NCKAP5: variants seen among roughly 807,000 people sequenced by gnomAD.
NCKAP5 encodes the protein NCK associated protein 5.
NCKAP5 carries 92 observed loss-of-function variants against 167.0 expected under a neutral mutation model. That is an observed-to-expected ratio of 0.55 (90% CI 0.47 to 0.66). NCKAP5 has a LOEUF of 0.66. NCKAP5 is among the 30% of genes least tolerant of loss of function. The pLI is 0.00. For synonymous variants in NCKAP5, 891 were observed against 877.4 expected (o/e 1.02, Z -0.27); for missense variants, 2,378 against 2,315.0 (o/e 1.03, Z -0.56).
intron 11 of NCKAP5, among the ~76,000 whole-genome samples, chr2:132,803,788 G>A (rs1685220998): frequency 6.6e-6 from 1 of 152,174 alleles, no homozygotes; most frequent in South Asian, 2.1e-4. Flanking sequence ...ACTATGTGCA[G>A]AATCATGACT....
chr2:133,344,335 G>A (rs1468422789), intron 3 of NCKAP5, among the ~76,000 whole-genome samples: 1 of 151,288 alleles, frequency 6.6e-6, no homozygotes. Context: ...TTGAACCTGG[G>A]AGGCAGAAGT....
At chr2:133,109,092 C>T (rs1170736286) in intron 6 of NCKAP5, among the ~76,000 whole-genome samples, 1 of 152,180 alleles carries the variant, frequency 6.6e-6, no homozygotes, top group Non-Finnish European at 1.5e-5. Context: ...TTCCACCAAG[C>T]CCTTCTTAAA....
At chr2:132,942,159 G>T (rs1332959485) in intron 8 of NCKAP5, among the ~76,000 whole-genome samples, 1 of 152,072 alleles carries the variant, frequency 6.6e-6, no homozygotes, top group African/African-American at 2.4e-5. Context: ...CAGAAAAGGA[G>T]GTTTCTTAAC....
At chr2:132,891,394 A>G (rs1355923718) in intron 8 of NCKAP5, among the ~76,000 whole-genome samples, 1 of 152,224 alleles carries the variant, frequency 6.6e-6, no homozygotes. Flanking sequence ...TTCAGGGTGA[A>G]GGTGGGTGTC....
chr2:133,355,366 C>T (rs1684639472), intron 3 of NCKAP5, among the ~76,000 whole-genome samples: 1 of 152,090 alleles, frequency 6.6e-6, no homozygotes, highest in Non-Finnish European at 1.5e-5. Context: ...TCTGCATATA[C>T]CTACTGACAA....
chr2:133,029,901 A>G (rs974614744), intron 6 of NCKAP5, among the ~76,000 whole-genome samples: 13 of 152,176 alleles, frequency 8.5e-5, no homozygotes, highest in African/African-American at 3.1e-4. Context: ...AAATGTTTAC[A>G]AGGATTTTTC....
At position 132,766,278 on chromosome 2, in the gene NCKAP5, CAAAAAAA is replaced by C. The variant is rs70973405; in HGVS notation, c.5128+7531_5128+7537del. On this transcript the variant is annotated intron_variant, in intron 16 of 19. Transcript: ENST00000409261. ...CTGGCGAAACAGTGAGATTCTGTCT[CAAAAAAA>C]AAAAAAAAAAAAAAAAAAAAGAGAA... Among the ~76,000 whole-genome samples the C allele has an allele frequency of 4.4e-3, 168 of 38,420 alleles. 1 individual carries two copies. The South Asian group carries it at 0.093, about 21-fold the overall frequency. The allele number at this position is 38,420 out of a possible 152,430, so 25.2% of individuals were successfully genotyped here. A position where few individuals can be genotyped will look rare whatever the true frequency, so the allele number is the denominator to read the frequency against.
At chr2:132,689,877 C>T (rs1651807222) in intron 19 of NCKAP5, among the ~76,000 whole-genome samples, 1 of 152,070 alleles carries the variant, frequency 6.6e-6, no homozygotes, top group African/African-American at 2.4e-5. Flanking sequence ...GATCCAAATA[C>T]CTATATTATA....
chr2:133,198,227 G>T (rs1574349686), intron 5 of NCKAP5, among the ~76,000 whole-genome samples: 1 of 152,066 alleles, frequency 6.6e-6, no homozygotes, highest in Non-Finnish European at 1.5e-5. Flanking sequence ...AGGAGAAAAA[G>T]TGTGGTGCAA....
At chr2:133,356,836 C>T (rs891849826) in intron 3 of NCKAP5, among the ~76,000 whole-genome samples, 6 of 152,098 alleles carry the variant, frequency 3.9e-5, no homozygotes, top group African/African-American at 1.4e-4. Context: ...AACATCAATA[C>T]TTGCATTATA....
chr2:133,272,248 T>A (rs1473009457), intron 4 of NCKAP5, among the ~76,000 whole-genome samples: 1 of 151,192 alleles, frequency 6.6e-6, no homozygotes, highest in African/African-American at 2.4e-5. Flanking sequence ...AAAAATAGAA[T>A]AAAAGAAATG....
rs111824971 is a variant in NCKAP5 at position 133,514,535 on chromosome 2, T to C, written c.69+2923A>G. On this transcript the variant is annotated intron_variant, in intron 3 of 19. Transcript: ENST00000409261. ...TAATTTCTACTCAACACTTCAATGA[T>C]TTGATTATATAAAATAAAAAGTGTA... Among the ~76,000 whole-genome samples, 346 of 152,306 alleles carry C rather than the reference T, an allele frequency of 2.3e-3. 1 individual carries two copies. Among genetic ancestry groups the C allele is most frequent in the African/African-American group, 8.0e-3 (333 of 41,554 alleles).
intron 6 of NCKAP5, among the ~76,000 whole-genome samples, chr2:132,999,062 C>T (rs903377169): frequency 2.6e-5 from 4 of 152,102 alleles, no homozygotes; most frequent in African/African-American, 4.8e-5. Flanking sequence ...TAACGTACAT[C>T]AAGTGAACTA....
the NCKAP5 span, among the ~76,000 whole-genome samples, chr2:133,581,338 T>C: frequency 6.6e-6 from 1 of 152,148 alleles, no homozygotes; most frequent in Non-Finnish European, 1.5e-5. Flanking sequence ...CCACTTCCTG[T>C]TGTAAGGGAT....
At chr2:133,193,441 A>G (rs2085313720) in intron 5 of NCKAP5, among the ~76,000 whole-genome samples, 2 of 152,122 alleles carry the variant, frequency 1.3e-5, no homozygotes, top group South Asian at 4.1e-4. Context: ...ATTTCTTACA[A>G]CTTCATGTGA....
intron 2 of NCKAP5, among the ~76,000 whole-genome samples, chr2:133,543,147 G>C (rs1249723975): frequency 1.3e-5 from 2 of 152,142 alleles, no homozygotes; most frequent in African/African-American, 4.8e-5. Context: ...GCAGTAATGT[G>C]TGAGTTCTGA....
intron 8 of NCKAP5, among the ~76,000 whole-genome samples, chr2:132,906,739 T>C (rs1694037429): frequency 6.6e-6 from 1 of 152,096 alleles, no homozygotes; most frequent in African/African-American, 2.4e-5. Context: ...CCAGCAAACA[T>C]AAAACATGGA....
chr2:133,664,951 G>T, the NCKAP5 span, among the ~76,000 whole-genome samples: 4 of 152,158 alleles, frequency 2.6e-5, no homozygotes, highest in Non-Finnish European at 4.4e-5. Flanking sequence ...ACCAACCTCT[G>T]CTAGCTTCAA....
intron 5 of NCKAP5, 51 bp downstream of exon 5, chr2:133,213,665 G>A: frequency 1.9e-6 from 3 of 1,576,056 alleles, no homozygotes; most frequent in Non-Finnish European, 2.6e-6. Context: ...TAGCTTTCAA[G>A]CCAGAGACCT....
Sources: allele counts gnomAD v4.1 joint callset (sites outside exome capture counted in the v4.1 genomes callset), GRCh38; gene constraint gnomAD v4.1.1; transcripts MANE v1.5; gene names NCBI Gene and HGNC (gene_info 2026-07-23, HGNC 2026-07-21).